The following CTNNA2 variants were observed in gnomAD, a reference collection of about 807,000 sequenced individuals.
CTNNA2 encodes the protein catenin alpha 2, also known as catenin alpha-2.
A neutral mutation model predicts 101.0 loss-of-function variants in CTNNA2; 42 were observed. The ratio of observed to expected loss-of-function variants is 0.42; its 90% CI spans 0.32 to 0.54. The LOEUF is 0.54. Among genes scored for constraint, CTNNA2 ranks in the 20% least tolerant of loss-of-function variants. CTNNA2 has a pLI of 0.14. For missense variants in CTNNA2, 871 were observed against 1,223.1 expected (o/e 0.71, Z 4.29); for synonymous variants, 450 against 456.4 (o/e 0.99, Z 0.18).
chr2:79,320,044 A>G (rs1387148248), intron 3 of CTNNA2: 1 of 152,034 alleles, frequency 6.6e-6, no homozygotes, highest in Non-Finnish European at 1.5e-5. Flanking sequence ...TTTGAGTGAT[A>G]TATTTTTAGT....
intron 1 of CTNNA2, chr2:79,575,319 A>G (rs1427240430): frequency 2.0e-5 from 3 of 152,222 alleles, no homozygotes; most frequent in Non-Finnish European, 4.4e-5. Context: ...TAAACAAAAT[A>G]AAACAACCTT....
At chr2:79,688,880 T>A (rs1684109319) in intron 2 of CTNNA2, among the ~76,000 whole-genome samples, 1 of 151,972 alleles carries the variant, frequency 6.6e-6, no homozygotes, top group Non-Finnish European at 1.5e-5. Context: ...CTATTTTCTA[T>A]GGTTTATAAA....
At chr2:79,402,608 GTC>G (rs1353952723) in intron 4 of CTNNA2, among the ~76,000 whole-genome samples, 3 of 151,538 alleles carry the variant, frequency 2.0e-5, no homozygotes, top group Non-Finnish European at 1.5e-5. Flanking sequence ...CTCTCTCTCT[GTC>G]TCTCTAAATA....
At chr2:80,156,037 G>C (rs1703980947) in intron 7 of CTNNA2, among the ~76,000 whole-genome samples, 1 of 152,164 alleles carries the variant, frequency 6.6e-6, no homozygotes. Context: ...AGGTTGTAGG[G>C]TGAGACTGAG....
chr2:80,027,636 A>G (rs1205736726), intron 7 of CTNNA2, among the ~76,000 whole-genome samples: 1 of 152,056 alleles, frequency 6.6e-6, no homozygotes, highest in Non-Finnish European at 1.5e-5. Flanking sequence ...ATTCTTTTCT[A>G]TCAGATTTGG....
At chr2:80,627,899 A>T (rs979907989) in intron 18 of CTNNA2, among the ~76,000 whole-genome samples, 2 of 152,144 alleles carry the variant, frequency 1.3e-5, no homozygotes, top group Non-Finnish European at 2.9e-5. Context: ...TAAGCTGATA[A>T]GCAACTTCAG....
chr2:79,889,911 G>A (rs1684183571), intron 6 of CTNNA2, among the ~76,000 whole-genome samples: 1 of 152,182 alleles, frequency 6.6e-6, no homozygotes, highest in African/African-American at 2.4e-5. Context: ...TCTGGCCAAA[G>A]CATAAAGCAG....
chr2:79,378,326 CT>C (rs1678001749), intron 4 of CTNNA2, among the ~76,000 whole-genome samples: 1 of 152,080 alleles, frequency 6.6e-6, no homozygotes, highest in Non-Finnish European at 1.5e-5. Flanking sequence ...ACAGAGTCCC[CT>C]AAGTAGCAAC....
intron 7 of CTNNA2, among the ~76,000 whole-genome samples, chr2:80,225,043 T>C (rs1708797328): frequency 6.6e-6 from 1 of 152,062 alleles, no homozygotes. Context: ...CCCATTCTAG[T>C]GTGTCAGTAT....
intron 7 of CTNNA2, among the ~76,000 whole-genome samples, chr2:80,044,230 G>A (rs2104295194): frequency 1.3e-5 from 2 of 152,188 alleles, no homozygotes; most frequent in South Asian, 4.1e-4. Context: ...CTATAGTATA[G>A]AAAGATAACA....
At chr2:79,300,727 A>G (rs1048231714) in intron 2 of CTNNA2, among the ~76,000 whole-genome samples, 1 of 152,178 alleles carries the variant, frequency 6.6e-6, no homozygotes, top group East Asian at 1.9e-4. Context: ...TCATTTCTCC[A>G]CTAACCACTG....
chr2:80,353,877 G>T (rs1259170156), intron 7 of CTNNA2, among the ~76,000 whole-genome samples: 1 of 152,100 alleles, frequency 6.6e-6, no homozygotes, highest in Non-Finnish European at 1.5e-5. Context: ...TGCCAAAAGA[G>T]CCTAATTTAG....
intron 7 of CTNNA2, among the ~76,000 whole-genome samples, chr2:80,361,865 C>T (rs1021705560): frequency 6.6e-6 from 1 of 152,014 alleles, no homozygotes; most frequent in African/African-American, 2.4e-5. Context: ...CATCATAGAC[C>T]GCCTACTAAG....
intron 7 of CTNNA2, among the ~76,000 whole-genome samples, chr2:80,079,025 T>C (rs1698945494): frequency 6.6e-6 from 1 of 152,116 alleles, no homozygotes; most frequent in Non-Finnish European, 1.5e-5. Context: ...GCATTTACAA[T>C]AGAAAGTCTA....
intron 3 of CTNNA2, among the ~76,000 whole-genome samples, chr2:79,769,366 A>C (rs866968404): frequency 2.6e-5 from 4 of 152,150 alleles, no homozygotes; most frequent in African/African-American, 9.7e-5. Flanking sequence ...GTTCAAGGAG[A>C]CTGAAGTGTT....
intron 7 of CTNNA2, among the ~76,000 whole-genome samples, chr2:80,356,180 C>T (rs1313891368): frequency 6.6e-6 from 1 of 152,098 alleles, no homozygotes; most frequent in African/African-American, 2.4e-5. Flanking sequence ...TAGCTTTGAC[C>T]AATGGTTAGT....
At chr2:79,619,541 C>A (rs1479258367) in intron 1 of CTNNA2, among the ~76,000 whole-genome samples, 1 of 152,032 alleles carries the variant, frequency 6.6e-6, no homozygotes, top group East Asian at 1.9e-4. Context: ...TACTTTATAC[C>A]TTGAGTTGTT....
chr2:80,523,879 C>T (rs1200998380), intron 9 of CTNNA2, among the ~76,000 whole-genome samples: 2 of 152,100 alleles, frequency 1.3e-5, no homozygotes, highest in African/African-American at 2.4e-5. Flanking sequence ...GGGAAGATTA[C>T]GTTGCCATAC....
At chr2:80,524,953 A>G (rs1451623056) in intron 9 of CTNNA2, among the ~76,000 whole-genome samples, 1 of 151,940 alleles carries the variant, frequency 6.6e-6, no homozygotes, top group Non-Finnish European at 1.5e-5. Flanking sequence ...TTTTATTTAC[A>G]TAGGTTTTTG....
Sources: allele counts gnomAD v4.1 joint callset (sites outside exome capture counted in the v4.1 genomes callset), GRCh38; gene constraint gnomAD v4.1.1; transcripts MANE v1.5; gene names NCBI Gene and HGNC (gene_info 2026-07-23, HGNC 2026-07-21).